Variants in LNX2 observed in about 807,000 individuals in gnomAD.
The protein encoded by LNX2 is ligand of Numb protein X 2.
Under a neutral mutation model 66.2 loss-of-function variants are expected in LNX2, and 35 were observed. The ratio of observed to expected loss-of-function variants is 0.53; its 90% CI spans 0.40 to 0.70. LNX2 has a LOEUF of 0.70. Among genes scored for constraint, LNX2 ranks in the 30% least tolerant of loss-of-function variants. The pLI is 0.00. For missense variants in LNX2, 791 were observed against 850.8 expected (o/e 0.93, Z 0.87); for synonymous variants, 337 against 315.6 (o/e 1.07, Z -0.72).
At position 27,556,395 on chromosome 13, in the gene LNX2, T is replaced by A. The variant is rs1321932030; in HGVS notation, c.1387A>T (p.Thr463Ser). 1.2e-6 allele frequency: 2 copies of A among 1,613,678 alleles called. No individual in the cohort carries two copies. Among genetic ancestry groups the A allele is most frequent in the Non-Finnish European group, 1.7e-6 (2 of 1,179,844 alleles). The change falls in exon 7 of 10, where the codon ACA becomes TCA. Residue 463 changes from threonine to serine, a missense_variant. Thr to Ser is a moderately conservative substitution (Grantham distance 58, BLOSUM62 1). Transcript: ENST00000316334. ...SSHKDLTQCVTCQEKHITVKK... is the reference protein window; with the variant it reads ...SSHKDLTQCVSCQEKHITVKK... Reference sequence around the variant, plus strand: ...ACAGTAATGTGTTTTTCTTGGCATGTAACACACTGAGTAAGATCCTAAAAC... The same window carrying A: ...ACAGTAATGTGTTTTTCTTGGCATGAAACACACTGAGTAAGATCCTAAAAC...
At chr13:27,607,316 C>A (rs1955727579) in intron 1 of LNX2, among the ~76,000 whole-genome samples, 1 of 151,474 alleles carries the variant, frequency 6.6e-6, no homozygotes, top group South Asian at 2.1e-4. Flanking sequence ...TAAAAACGCA[C>A]CACAACGTCA....
chr13:27,546,420 G>C lies in LNX2; in HGVS notation c.*1915C>G, dbSNP rs1233640424. 6.6e-6 allele frequency: 1 copy of C among 152,134 alleles called. No individual in the cohort carries two copies. The highest frequency in any genetic ancestry group is 2.4e-5 in the African/African-American group (1 of 41,418). The allele number at this position is 152,134 out of a possible 1,614,324, so 9.4% of individuals were successfully genotyped here. Reference sequence around the variant, plus strand: ...TATCAAAGCATTTCAAAATCAAACTGCTTCCAAAGCCAATCATCACACAAC... The same window carrying C: ...TATCAAAGCATTTCAAAATCAAACTCCTTCCAAAGCCAATCATCACACAAC... On this transcript the variant is annotated 3_prime_UTR_variant, in exon 10 of 10. Transcript: ENST00000316334.
Position 27,587,257 on chromosome 13 carries a change from C to T in LNX2, c.-100-5454G>A, listed in dbSNP as rs528148353. 6.6e-5 allele frequency among the ~76,000 whole-genome samples: 10 copies of T among 152,238 alleles called. No individual in the cohort carries two copies. The East Asian group carries it at 1.9e-3, about 29-fold the overall frequency. ...TCCTTCTCATTCCTTAGCTTCAGCT[C>T]AAATTCTGCCTCCTCCTACTCTTGA... is the stretch of plus-strand genomic sequence containing the variant. On this transcript the variant is annotated intron_variant, in intron 1 of 9. Transcript: ENST00000316334.
intron 1 of LNX2, among the ~76,000 whole-genome samples, chr13:27,614,902 G>A (rs375795845): frequency 2.8e-4 from 42 of 152,040 alleles, no homozygotes; most frequent in African/African-American, 9.9e-4. Context: ...ACAGAGCCTT[G>A]GAAACTGAGA....
At chr13:27,575,075 T>C (rs772924239) in intron 2 of LNX2, among the ~76,000 whole-genome samples, 2 of 152,182 alleles carry the variant, frequency 1.3e-5, no homozygotes, top group Non-Finnish European at 2.9e-5. Context: ...AAGAAGTCCA[T>C]CAGGCTGATG....
At chr13:27,574,848 T>C (rs1414501823) in intron 2 of LNX2, among the ~76,000 whole-genome samples, 1 of 152,164 alleles carries the variant, frequency 6.6e-6, no homozygotes, top group Non-Finnish European at 1.5e-5. Context: ...GGATCCTCAA[T>C]AGTATCTGCT....
At chr13:27,617,501 G>A (rs1030129410) in intron 1 of LNX2, among the ~76,000 whole-genome samples, 3 of 152,122 alleles carry the variant, frequency 2.0e-5, no homozygotes, top group African/African-American at 7.2e-5. Flanking sequence ...AAAGAAGAGG[G>A]GAAGAAGGCC....
At chr13:27,615,820 C>A (rs1316620104) in intron 1 of LNX2, among the ~76,000 whole-genome samples, 1 of 152,190 alleles carries the variant, frequency 6.6e-6, no homozygotes, top group Non-Finnish European at 1.5e-5. Flanking sequence ...AGCTTCCTCA[C>A]TGGATCAATT....
At chr13:27,586,456 TGGCTGTACTGC>T (rs1389338179) in intron 1 of LNX2, among the ~76,000 whole-genome samples, 6 of 152,234 alleles carry the variant, frequency 3.9e-5, no homozygotes, top group Non-Finnish European at 8.8e-5. Flanking sequence ...GTGTGCAAGC[TGGCTGTACTGC>T]CTCACACTAC....
chr13:27,550,820 A>T (rs991016654), intron 8 of LNX2, among the ~76,000 whole-genome samples: 4 of 152,210 alleles, frequency 2.6e-5, no homozygotes, highest in African/African-American at 9.6e-5. Flanking sequence ...CTGCATTGTC[A>T]ACAAAGTCCT....
chr13:27,555,359 T>C (rs974435728), intron 7 of LNX2, among the ~76,000 whole-genome samples: 6 of 152,228 alleles, frequency 3.9e-5, no homozygotes, highest in African/African-American at 1.4e-4. Context: ...TTAATTAGAG[T>C]TGTAAGAATA....
intron 2 of LNX2, among the ~76,000 whole-genome samples, chr13:27,576,442 C>A (rs1246729945): frequency 6.6e-6 from 1 of 151,992 alleles, no homozygotes; most frequent in Non-Finnish European, 1.5e-5. Context: ...CAAGGCTGGG[C>A]ATGGTGGCTC....
chr13:27,555,526 C>T (rs1333469424), intron 7 of LNX2, among the ~76,000 whole-genome samples: 1 of 152,084 alleles, frequency 6.6e-6, no homozygotes, highest in Non-Finnish European at 1.5e-5. Context: ...GTTGCTTTTG[C>T]TTTTAGTGTC....
intron 1 of LNX2, among the ~76,000 whole-genome samples, chr13:27,604,706 C>T (rs890611948): frequency 6.6e-6 from 1 of 151,670 alleles, no homozygotes; most frequent in African/African-American, 2.4e-5. Flanking sequence ...TCTACTATTC[C>T]ACAAATTAAA....
rs761987166 is a variant in LNX2 at position 27,567,819 on chromosome 13, A to C, written c.676T>G (p.Leu226Val). The C allele has an allele frequency of 1.1e-5, 17 of 1,613,916 alleles. No homozygotes were observed. The African/African-American group carries it at 2.1e-4, about 20-fold the overall frequency. ...GADTTQQPLSLPEGEITTIEI... is the reference protein window; with the variant it reads ...GADTTQQPLSVPEGEITTIEI... Reference sequence around the variant, plus strand: ...ATCGTGGTGATTTCTCCTTCTGGTAAACTAAGTGGCTGTTGTGTGGCTGCC... The same window carrying C: ...ATCGTGGTGATTTCTCCTTCTGGTACACTAAGTGGCTGTTGTGTGGCTGCC... Residue 226 changes from leucine (L) to valine (V), a missense_variant, in exon 4 of 10, where the codon TTA becomes GTA. Transcript: ENST00000316334.
chr13:27,554,131 A>C (rs1000644145), intron 7 of LNX2, among the ~76,000 whole-genome samples: 12 of 152,238 alleles, frequency 7.9e-5, no homozygotes, highest in Non-Finnish European at 1.8e-4. Context: ...CTCCCAATTT[A>C]TCATCAGTTT....
At chr13:27,573,828 T>G (rs1955313503) in intron 2 of LNX2, among the ~76,000 whole-genome samples, 1 of 151,880 alleles carries the variant, frequency 6.6e-6, no homozygotes, top group South Asian at 2.1e-4. Flanking sequence ...GAGAAGAATC[T>G]AGTTTTCTGA....
chr13:27,556,106 T>G (rs1016245278), intron 7 of LNX2, 130 bp downstream of exon 7: 18 of 851,962 alleles, frequency 2.1e-5, no homozygotes, highest in African/African-American at 8.5e-5. Context: ...TGCTTCCATA[T>G]GCAAGGGACA....
chr13:27,556,396 A>T lies in LNX2; in HGVS notation c.1386T>A (p.Val462=). The change falls in exon 7 of 10, where the codon GTT becomes GTA. Residue 462 remains valine, a synonymous_variant. Transcript: ENST00000316334. ...PSSHKDLTQC[V]TCQEKHITVK... is the part of the protein sequence containing the mutation. ...CAGTAATGTGTTTTTCTTGGCATGT[A>T]ACACACTGAGTAAGATCCTAAAACA... is the stretch of plus-strand genomic sequence containing the variant. The T allele has an allele frequency of 6.2e-7, 1 of 1,613,878 alleles. No homozygotes were observed. Among genetic ancestry groups the T allele is most frequent in the South Asian group, 1.1e-5 (1 of 91,064 alleles).
Sources: gnomAD v4.1 joint callset for allele counts (sites outside exome capture counted in the v4.1 genomes callset) on GRCh38, gnomAD v4.1.1 for gene constraint, MANE v1.5 for transcripts, NCBI Gene and HGNC (gene_info 2026-07-23, HGNC 2026-07-21) for gene names.